DENND4B: variants seen among roughly 807,000 people sequenced by gnomAD.
DENND4B encodes the protein DENN domain-containing protein 4B.
DENND4B carries 67 observed loss-of-function variants against 161.0 expected under a neutral mutation model. The observed-to-expected ratio is 0.42, with a 90% CI of 0.34 to 0.51. DENND4B has a LOEUF of 0.51. Among genes scored for constraint, DENND4B ranks in the 20% least tolerant of loss-of-function variants. The pLI, the probability that DENND4B is intolerant of heterozygous loss-of-function variation, is 0.08. For missense variants in DENND4B, 1,481 were observed against 1,968.0 expected (o/e 0.75, Z 4.68); for synonymous variants, 753 against 813.8 (o/e 0.93, Z 1.27).
chr1:153,937,897 A>T lies in DENND4B; in HGVS notation c.1966-34T>A. The T allele has an allele frequency of 6.2e-7, 1 of 1,613,576 alleles. No homozygotes were observed. The highest frequency in any genetic ancestry group is 8.5e-7 in the Non-Finnish European group (1 of 1,179,710). ...GGATTTTAAGAGAGCAAGTGTTGAG[A>T]TGGTGGGCATGGAGCAGAGCCAGGG... On this transcript the variant is annotated intron_variant, in intron 13 of 27. Coordinates refer to ENST00000361217, the MANE Select transcript of DENND4B (RefSeq NM_014856.3). This position sits in a 1 kb window ranked among gnomAD's most constrained non-coding sequence, Gnocchi z 4.7.
At position 153,932,594 on chromosome 1, in the gene DENND4B, C is replaced by G; in HGVS notation, c.3759+48G>C. The stretch of plus-strand genomic sequence containing the variant: ...TCTCCCTGGCACCCCACAGGCCCCA[C>G]ACAGGGCAACATTCCCGTTCCTCAT... On this transcript the variant is annotated intron_variant, in intron 23 of 27. Transcript: ENST00000361217. The surrounding 1 kb of genome is among the most constrained non-coding windows in gnomAD (Gnocchi z 5.8). 1 of 1,589,258 alleles carries G rather than the reference C, an allele frequency of 6.3e-7. No homozygotes were observed.
intron 1 of DENND4B, chr1:153,945,176 G>A: frequency 7.8e-7 from 1 of 1,289,386 alleles, no homozygotes; most frequent in Non-Finnish European, 1.0e-6. Context: ...AGCCCCAAGG[G>A]TCCTGAGGCG....
In DENND4B at chr1:153,939,685, C is replaced by A; in HGVS notation, c.1723G>T (p.Ala575Ser). The A allele has an allele frequency of 2.5e-6, 4 of 1,613,952 alleles. No homozygotes were observed. The highest frequency in any genetic ancestry group is 3.4e-6 in the Non-Finnish European group (4 of 1,179,892). Reference sequence around the variant, plus strand: ...ACCCGGTAGCCCTTGAGCAGACAGGCCATGAAGCGGAGGAAGGCTCCTTGG... The same window carrying A: ...ACCCGGTAGCCCTTGAGCAGACAGGACATGAAGCGGAGGAAGGCTCCTTGG... ...EVQGAFLRFM[A>S]CLLKGYRVFL... Residue 575 changes from alanine (A) to serine (S), a missense_variant, in exon 12 of 28, where the codon GCC becomes TCC. Ala to Ser is a moderately conservative substitution (Grantham distance 99). Around this residue, in one of 3 missense-constraint regions of DENND4B, gnomAD observed 806 missense variants for 1,134.4 expected, o/e 0.71. Coordinates refer to ENST00000361217, the MANE Select transcript of DENND4B (RefSeq NM_014856.3).
At position 153,934,948 on chromosome 1, in the gene DENND4B, T is replaced by G; in HGVS notation, c.2585A>C (p.Lys862Thr). The G allele has an allele frequency of 2.5e-6, 4 of 1,611,940 alleles. No individual in the cohort carries two copies. The highest frequency in any genetic ancestry group is 3.4e-6 in the Non-Finnish European group (4 of 1,179,864). The change falls in exon 18 of 28, where the codon AAG becomes ACG. Residue 862 changes from lysine to threonine, a missense_variant. Lys to Thr is a moderately conservative substitution (Grantham distance 78). Around this residue, in one of 3 missense-constraint regions of DENND4B, gnomAD observed 339 missense variants for 330.3 expected, o/e 1.03. Coordinates refer to ENST00000361217, the MANE Select transcript of DENND4B (RefSeq NM_014856.3). The surrounding 1 kb of genome is among the most constrained non-coding windows in gnomAD (Gnocchi z 5.3). ...CCCACCTGGTGTGCCAGACGGCCAC[T>G]TGCTTTCCAACACAGCCTACCAAGC... ...GYYNKAVLESKWPSGTPGGRL... is the reference protein window; with the variant it reads ...GYYNKAVLESTWPSGTPGGRL...
chr1:153,930,909 G>A lies in DENND4B; in HGVS notation c.4114+38C>T. On this transcript the variant is annotated intron_variant, in intron 25 of 27. Transcript: ENST00000361217. This position sits in a 1 kb window ranked among gnomAD's most constrained non-coding sequence, Gnocchi z 4.7. ...GAATCACTGAGCCCTCTGGGTATGG[G>A]ACCCACCCTCCCCACCCAGGCCAAA... 6.3e-7 allele frequency: 1 copy of A among 1,596,932 alleles called. No individual in the cohort carries two copies. The highest frequency in any genetic ancestry group is 8.5e-7 in the Non-Finnish European group (1 of 1,172,618).
In DENND4B at chr1:153,940,894, C is replaced by T. The variant is rs769858690; in HGVS notation, c.1326+10G>A. 6.3e-5 allele frequency: 98 copies of T among 1,558,600 alleles called. No homozygotes were observed. Among genetic ancestry groups the T allele is most frequent in the African/African-American group, 1.1e-4 (8 of 72,322 alleles). On this transcript the variant is annotated intron_variant, in intron 9 of 27. Transcript: ENST00000361217. The surrounding 1 kb of genome is among the most constrained non-coding windows in gnomAD (Gnocchi z 5.6). Reference sequence around the variant, plus strand: ...TCTGGGGAAGATGGGCCAGGCGGGGCGGCACTCACCGAGACGAGGGCCTCA... The same window carrying T: ...TCTGGGGAAGATGGGCCAGGCGGGGTGGCACTCACCGAGACGAGGGCCTCA...
chr1:153,945,577 C>T (rs1679915584), intron 1 of DENND4B, among the ~76,000 whole-genome samples: 1 of 151,748 alleles, frequency 6.6e-6, no homozygotes, highest in Non-Finnish European at 1.5e-5. Flanking sequence ...CACACACACG[C>T]ACACACACAC....
chr1:153,933,982 A>C lies in DENND4B; in HGVS notation c.2942-111T>G. ...CACAAACTCTGGTGCCACCACCCCC[A>C]CCATGATGATATTCTGGGCGAGATT... is the stretch of plus-strand genomic sequence containing the variant. On this transcript the variant is annotated intron_variant, in intron 19 of 27. Coordinates refer to ENST00000361217, the MANE Select transcript of DENND4B (RefSeq NM_014856.3). The surrounding 1 kb of genome is among the most constrained non-coding windows in gnomAD (Gnocchi z 5.7). The C allele has an allele frequency of 6.6e-7, 1 of 1,507,756 alleles. No homozygotes were observed. Among genetic ancestry groups the C allele is most frequent in the Non-Finnish European group, 8.9e-7 (1 of 1,127,920 alleles). The allele number at this position is 1,507,756 out of a possible 1,614,324, so 93.4% of individuals were successfully genotyped here.
At position 153,944,219 on chromosome 1, in the gene DENND4B, G is replaced by A. The variant is rs1160198674; in HGVS notation, c.156C>T (p.Val52=). ...RPAEPITDVA[V]IARALGEEVP... ...CTTCCTCGCCCAGTGCCCTAGCGATGACTGCCACATCTGTGATGGGCTCAG... is the reference window on the plus strand; with the variant it reads ...CTTCCTCGCCCAGTGCCCTAGCGATAACTGCCACATCTGTGATGGGCTCAG... Residue 52 remains valine (V), a synonymous_variant, in exon 2 of 28, where the codon GTC becomes GTT. Transcript: ENST00000361217. This position sits in a 1 kb window ranked among gnomAD's most constrained non-coding sequence, Gnocchi z 4.8. 6.2e-7 allele frequency: 1 copy of A among 1,608,002 alleles called. No individual in the cohort carries two copies. Among genetic ancestry groups the A allele is most frequent in the South Asian group, 1.1e-5 (1 of 90,410 alleles).
chr1:153,932,100 C>T lies in DENND4B; in HGVS notation c.3996+104G>A. The T allele has an allele frequency of 8.8e-7, 1 of 1,130,252 alleles. No individual in the cohort carries two copies. The highest frequency in any genetic ancestry group is 1.5e-5 in the South Asian group (1 of 65,520). 70.0% of individuals were successfully genotyped at this position (1,130,252 alleles called of 1,614,324 possible). A position where few individuals can be genotyped will look rare whatever the true frequency, so the allele number is the denominator to read the frequency against. On this transcript the variant is annotated intron_variant, in intron 24 of 27. Coordinates refer to ENST00000361217, the MANE Select transcript of DENND4B (RefSeq NM_014856.3). This position sits in a 1 kb window ranked among gnomAD's most constrained non-coding sequence, Gnocchi z 5.8. ...GGGATTACAGGCATGAGCCACCGTGCCTGGCCAGTCTATGCTCTTTCTACA... is the reference window on the plus strand; with the variant it reads ...GGGATTACAGGCATGAGCCACCGTGTCTGGCCAGTCTATGCTCTTTCTACA...
intron 8 of DENND4B, 23 bp downstream of exon 8, chr1:153,941,208 C>A (rs2297895): frequency 0.14 from 225,231 of 1,612,704 alleles, 18,962 homozygotes; most frequent in East Asian, 0.45. Flanking sequence ...TAAAGCTCCC[C>A]TCCCCACAAT....
Position 153,934,921 on chromosome 1 carries a change from C to G in DENND4B, c.2612G>C (p.Arg871Pro). Reference sequence around the variant, plus strand: ...ATTCCGGAGCTTGGCCCAGCGCAGACGCCCACCTGGTGTGCCAGACGGCCA... The same window carrying G: ...ATTCCGGAGCTTGGCCCAGCGCAGAGGCCCACCTGGTGTGCCAGACGGCCA... ...SKWPSGTPGG[R>P]LRWAKLRNVV... The change falls in exon 18 of 28, where the codon CGT becomes CCT. Residue 871 changes from arginine to proline, a missense_variant. This residue lies in a region of DENND4B where 339 missense variants were observed against 330.3 expected (regional missense o/e 1.03). Transcript: ENST00000361217. The surrounding 1 kb of genome is among the most constrained non-coding windows in gnomAD (Gnocchi z 5.3). 6.2e-7 allele frequency: 1 copy of G among 1,613,320 alleles called. No homozygotes were observed. Among genetic ancestry groups the G allele is most frequent in the Middle Eastern group, 1.6e-4 (1 of 6,062 alleles).
chr1:153,942,798 C>A lies in DENND4B; in HGVS notation c.570+80G>T, dbSNP rs548681251. ...TCACCCCTGTGGTCAGAGCCTTGGTCCTGGGATGCCCTTTGTTCCCAGTGT... is the reference window on the plus strand; with the variant it reads ...TCACCCCTGTGGTCAGAGCCTTGGTACTGGGATGCCCTTTGTTCCCAGTGT... On this transcript the variant is annotated intron_variant, in intron 3 of 27. Transcript: ENST00000361217. This position sits in a 1 kb window ranked among gnomAD's most constrained non-coding sequence, Gnocchi z 6.9. 1.3e-6 allele frequency: 2 copies of A among 1,517,770 alleles called. No individual in the cohort carries two copies. The highest frequency in any genetic ancestry group is 2.8e-5 in the African/African-American group (2 of 72,664). The allele number at this position is 1,517,770 out of a possible 1,614,324, so 94.0% of individuals were successfully genotyped here.
At chr1:153,938,696 C>T in intron 13 of DENND4B, among the ~76,000 whole-genome samples, 1 of 144,828 alleles carries the variant, frequency 6.9e-6, no homozygotes, top group East Asian at 2.0e-4. Flanking sequence ...AGCAAGACTT[C>T]GTTTCAAAAA....
In DENND4B at chr1:153,942,890, G is replaced by C; in HGVS notation, c.558C>G (p.Leu186=). ...TGGCCCCACTCACCATGCCAGGGTT[G>C]AGGTTGCGGGGCAGCCGGCAGTAAG... ...PHTYCRLPRN[L]NPGMWGPAVY... The change falls in exon 3 of 28, where the codon CTC becomes CTG. Residue 186 remains leucine (L), a synonymous_variant. Coordinates refer to ENST00000361217, the MANE Select transcript of DENND4B (RefSeq NM_014856.3). This position sits in a 1 kb window ranked among gnomAD's most constrained non-coding sequence, Gnocchi z 6.9. 1 of 1,600,624 alleles carries C rather than the reference G, an allele frequency of 6.2e-7. No homozygotes were observed. Among genetic ancestry groups the C allele is most frequent in the Non-Finnish European group, 8.5e-7 (1 of 1,169,794 alleles).
At chr1:153,938,100 TAG>T (rs1338022630) in intron 13 of DENND4B, among the ~76,000 whole-genome samples, 1 of 152,160 alleles carries the variant, frequency 6.6e-6, no homozygotes, top group Non-Finnish European at 1.5e-5. Context: ...AGTTAAGATA[TAG>T]AGTTGTGTTT....
At position 153,929,530 on chromosome 1, in the gene DENND4B, T is replaced by C. The variant is rs1019830831; in HGVS notation, c.*767A>G. On this transcript the variant is annotated 3_prime_UTR_variant, in exon 28 of 28. Transcript: ENST00000361217. ...AAGACAGAAGCAGCTTTTACTATAT[T>C]TACATCCAACAAAACTTCGCAGGGA... The C allele has an allele frequency of 6.6e-6, 1 of 152,174 alleles. No homozygotes were observed. The highest frequency in any genetic ancestry group is 2.4e-5 in the African/African-American group (1 of 41,402). 9.4% of individuals were successfully genotyped at this position (152,174 alleles called of 1,614,324 possible).
In DENND4B at chr1:153,937,403, T is replaced by C. The variant is rs889607877; in HGVS notation, c.2232+85A>G. 28 of 1,447,802 alleles carry C rather than the reference T, an allele frequency of 1.9e-5. No homozygotes were observed. The highest frequency in any genetic ancestry group is 2.1e-5 in the Non-Finnish European group (23 of 1,097,200). The allele number at this position is 1,447,802 out of a possible 1,614,324, so 89.7% of individuals were successfully genotyped here. On this transcript the variant is annotated intron_variant, in intron 15 of 27. Coordinates refer to ENST00000361217, the MANE Select transcript of DENND4B (RefSeq NM_014856.3). The surrounding 1 kb of genome is among the most constrained non-coding windows in gnomAD (Gnocchi z 4.7). ...CCTCATGGGTTAAGTATTATTGTTA[T>C]ACCCATTTTGTAGATGAGGAAACTG...
Position 153,941,502 on chromosome 1 carries a change from T to C in DENND4B, c.1056-62A>G. 3 of 1,518,598 alleles carry C rather than the reference T, an allele frequency of 2.0e-6. No homozygotes were observed. The South Asian group carries it at 3.8e-5, about 19-fold the overall frequency. The allele number at this position is 1,518,598 out of a possible 1,614,324, so 94.1% of individuals were successfully genotyped here. ...CGTCCATCCCTGTCCTCCCTCCACA[T>C]TTTCTCAGCTCTTTCACTTGTTCTC... is the stretch of plus-strand genomic sequence containing the variant. On this transcript the variant is annotated intron_variant, in intron 6 of 27. Coordinates refer to ENST00000361217, the MANE Select transcript of DENND4B (RefSeq NM_014856.3).
Sources: allele counts gnomAD v4.1 joint callset (sites outside exome capture counted in the v4.1 genomes callset), GRCh38; gene constraint gnomAD v4.1.1; regional missense constraint gnomAD v4.1.1; non-coding constraint Gnocchi (gnomAD v3.1); transcripts MANE v1.5; gene names NCBI Gene and HGNC (gene_info 2026-07-23, HGNC 2026-07-21).